Variants in LDAH observed in about 807,000 individuals in gnomAD.
LDAH encodes the protein lipid droplet-associated hydrolase.
LDAH carries 26 observed loss-of-function variants against 29.6 expected under a neutral mutation model. The ratio of observed to expected loss-of-function variants is 0.88; its 90% CI spans 0.64 to 1.22. The LOEUF is 1.22. LDAH is among the 50% of genes most tolerant of loss of function. The pLI is 0.00. For missense variants in LDAH, 344 were observed against 387.3 expected (o/e 0.89, Z 0.94); for synonymous variants, 117 against 133.0 (o/e 0.88, Z 0.83).
intron 3 of LDAH, among the ~76,000 whole-genome samples, chr2:20,783,312 T>C (rs1317168139): frequency 1.3e-5 from 2 of 152,240 alleles, no homozygotes; most frequent in African/African-American, 4.8e-5. Flanking sequence ...TCTATAAATG[T>C]CAATTAAATA....
chr2:20,785,794 A>T (rs1221608033), intron 3 of LDAH, among the ~76,000 whole-genome samples: 2 of 152,214 alleles, frequency 1.3e-5, no homozygotes, highest in African/African-American at 4.8e-5. Context: ...AGCTTCATCC[A>T]GCCTGCTGGT....
intron 1 of LDAH, among the ~76,000 whole-genome samples, chr2:20,808,390 G>A (rs565098543): frequency 6.6e-6 from 1 of 152,254 alleles, no homozygotes; most frequent in South Asian, 2.1e-4. Context: ...GGCCGGGCGC[G>A]GTGGCTCACA....
At chr2:20,754,530 AAAG>A (rs1274689779) in intron 4 of LDAH, among the ~76,000 whole-genome samples, 1 of 151,698 alleles carries the variant, frequency 6.6e-6, no homozygotes, top group African/African-American at 2.4e-5. Flanking sequence ...AAGGAAAAGA[AAAG>A]AAAAAGTAAA....
intron 4 of LDAH, among the ~76,000 whole-genome samples, chr2:20,745,960 C>G (rs1667543000): frequency 6.6e-6 from 1 of 151,926 alleles, no homozygotes; most frequent in South Asian, 2.1e-4. Flanking sequence ...AGGGGGTGAG[C>G]TAAGAGATGC....
rs1359070125 is a variant in LDAH at position 20,684,358 on chromosome 2, A to G, written c.*2545T>C. On this transcript the variant is annotated 3_prime_UTR_variant, in exon 7 of 7. Transcript: ENST00000237822. ...GAATCAGATGTTGTGTCCAATTGTC[A>G]TGTCTCTTCAGTCTCCTTTAATCTG... 1 of 150,566 alleles carries G rather than the reference A, an allele frequency of 6.6e-6. No homozygotes were observed. The highest frequency in any genetic ancestry group is 6.7e-5 in the Admixed American group (1 of 14,904). 9.3% of individuals were successfully genotyped at this position (150,566 alleles called of 1,614,324 possible).
intron 1 of LDAH, among the ~76,000 whole-genome samples, chr2:20,804,888 T>C (rs911711560): frequency 3.9e-5 from 6 of 152,196 alleles, no homozygotes; most frequent in Non-Finnish European, 7.4e-5. Flanking sequence ...TCTTATGGAC[T>C]GAATTTTTAC....
chr2:20,795,848 G>T (rs188424122), intron 2 of LDAH, among the ~76,000 whole-genome samples: 2 of 151,362 alleles, frequency 1.3e-5, no homozygotes, highest in East Asian at 2.0e-4. Context: ...TATCAGAGAC[G>T]GACATAACAT....
Position 20,778,540 on chromosome 2 carries a change from G to T in LDAH, c.299-3561C>A, listed in dbSNP as rs529607078. Among the ~76,000 whole-genome samples, 24 of 152,154 alleles carry T rather than the reference G, an allele frequency of 1.6e-4. 1 individual carries two copies. The highest frequency in any genetic ancestry group is 4.4e-5 in the Non-Finnish European group (3 of 67,988). On this transcript the variant is annotated intron_variant, in intron 3 of 6. Transcript: ENST00000237822. Reference sequence around the variant, plus strand: ...TTCTTCATTTTACATGAACTGAATTGACTACTCTGACAGAAAACAGTGACT... The same window carrying T: ...TTCTTCATTTTACATGAACTGAATTTACTACTCTGACAGAAAACAGTGACT...
chr2:20,683,026 C>G (rs1017137254), downstream of LDAH, among the ~76,000 whole-genome samples: 9 of 152,228 alleles, frequency 5.9e-5, no homozygotes, highest in Non-Finnish European at 1.2e-4. Flanking sequence ...GCAACCTCAT[C>G]CTCTTCTCTC....
intron 5 of LDAH, among the ~76,000 whole-genome samples, chr2:20,706,979 G>A (rs1664352791): frequency 6.6e-6 from 1 of 152,106 alleles, no homozygotes; most frequent in Non-Finnish European, 1.5e-5. Flanking sequence ...TTGCTTGTCG[G>A]GGAGAGGCTG....
intron 1 of LDAH, among the ~76,000 whole-genome samples, chr2:20,809,038 C>T (rs1173838363): frequency 2.0e-5 from 3 of 151,916 alleles, no homozygotes; most frequent in Admixed American, 6.6e-5. Context: ...TGGAACATAC[C>T]TTTATGAGCT....
At chr2:20,744,420 T>C (rs1409483822) in intron 4 of LDAH, among the ~76,000 whole-genome samples, 1 of 152,150 alleles carries the variant, frequency 6.6e-6, no homozygotes, top group Non-Finnish European at 1.5e-5. Context: ...GCCTCTGGTG[T>C]ACAAACTTCT....
chr2:20,822,743 G>T (rs1673420857), intron 1 of LDAH, among the ~76,000 whole-genome samples: 1 of 152,082 alleles, frequency 6.6e-6, no homozygotes, highest in South Asian at 2.1e-4. Flanking sequence ...CTACTCCTCC[G>T]CGGGGGCACC....
intron 5 of LDAH, among the ~76,000 whole-genome samples, chr2:20,724,032 T>G (rs1264399023): frequency 6.6e-6 from 1 of 152,176 alleles, no homozygotes; most frequent in Non-Finnish European, 1.5e-5. Context: ...GGCTAAAAGG[T>G]TTGAAATAGC....
intron 5 of LDAH, among the ~76,000 whole-genome samples, chr2:20,720,636 G>C (rs910853706): frequency 6.6e-6 from 1 of 151,976 alleles, no homozygotes. Flanking sequence ...AATTTGTATG[G>C]AATCCCAAAA....
chr2:20,792,780 T>C (rs887856922), intron 2 of LDAH, among the ~76,000 whole-genome samples: 2 of 152,130 alleles, frequency 1.3e-5, no homozygotes, highest in Admixed American at 1.3e-4. Context: ...CAGTGAGTAC[T>C]AGATAATGGA....
intron 6 of LDAH, among the ~76,000 whole-genome samples, chr2:20,688,426 G>C (rs947421378): frequency 6.6e-6 from 1 of 152,170 alleles, no homozygotes; most frequent in Non-Finnish European, 1.5e-5. Flanking sequence ...ATGCCAAGGA[G>C]GTTGCGCTTT....
At chr2:20,722,727 T>C (rs1665748440) in intron 5 of LDAH, among the ~76,000 whole-genome samples, 1 of 152,122 alleles carries the variant, frequency 6.6e-6, no homozygotes, top group Admixed American at 6.5e-5. Flanking sequence ...TATTATGTAA[T>C]CAAAGAAAAA....
At chr2:20,820,579 T>A (rs1291747107) in intron 1 of LDAH, among the ~76,000 whole-genome samples, 1 of 151,986 alleles carries the variant, frequency 6.6e-6, no homozygotes, top group African/African-American at 2.4e-5. Context: ...AAGCTGAAAC[T>A]GGATCCCTTC....
Sources: gnomAD v4.1 joint callset for allele counts (sites outside exome capture counted in the v4.1 genomes callset) on GRCh38, gnomAD v4.1.1 for gene constraint, MANE v1.5 for transcripts, NCBI Gene and HGNC (gene_info 2026-07-23, HGNC 2026-07-21) for gene names.